Variants in FRMD4B observed in about 807,000 individuals in gnomAD.
The protein encoded by FRMD4B is FERM domain containing 4B, also known as FERM domain-containing protein 4B.
FRMD4B carries 74 observed loss-of-function variants against 141.5 expected under a neutral mutation model. The observed-to-expected ratio is 0.52, with a 90% CI of 0.43 to 0.63. FRMD4B has a LOEUF of 0.63. Among genes scored for constraint, FRMD4B ranks in the 30% least tolerant of loss-of-function variants. The pLI is 0.00. For synonymous variants in FRMD4B, 506 were observed against 467.9 expected (o/e 1.08, Z -1.05); for missense variants, 1,366 against 1,253.4 (o/e 1.09, Z -1.36).
At chr3:69,494,870 C>T (rs1307918447) in intron 1 of FRMD4B, among the ~76,000 whole-genome samples, 1 of 145,672 alleles carries the variant, frequency 6.9e-6, no homozygotes, top group Non-Finnish European at 1.5e-5. Flanking sequence ...CCAGCATGGG[C>T]AACAAGAGTG....
chr3:69,491,602 A>C (rs757947186), intron 1 of FRMD4B, among the ~76,000 whole-genome samples: 4 of 152,242 alleles, frequency 2.6e-5, no homozygotes, highest in Non-Finnish European at 4.4e-5. Context: ...AAAGAAGAAA[A>C]GAGACAGGGT....
At chr3:69,476,325 T>C (rs1055446850) in intron 1 of FRMD4B, among the ~76,000 whole-genome samples, 1 of 152,132 alleles carries the variant, frequency 6.6e-6, no homozygotes, top group Non-Finnish European at 1.5e-5. Context: ...TCTAGGGTTT[T>C]TATGGTTTTA....
chr3:69,227,383 ACC>A (rs1022050755), intron 7 of FRMD4B, among the ~76,000 whole-genome samples: 3 of 152,072 alleles, frequency 2.0e-5, no homozygotes, highest in African/African-American at 7.2e-5. Context: ...AGTATTCTTA[ACC>A]GGGTGCAGTG....
chr3:69,367,555 TTGTTTTTA>T (rs1444376292), intron 1 of FRMD4B, among the ~76,000 whole-genome samples: 2 of 146,922 alleles, frequency 1.4e-5, no homozygotes, highest in Non-Finnish European at 3.0e-5. Context: ...GCCAATATTT[TTGTTTTTA>T]CCCAAAAAAT....
chr3:69,461,825 C>A (rs1363831513), intron 1 of FRMD4B, among the ~76,000 whole-genome samples: 1 of 152,014 alleles, frequency 6.6e-6, no homozygotes. Flanking sequence ...CAGTTTTTAC[C>A]TGTTGTCTCT....
upstream of FRMD4B, among the ~76,000 whole-genome samples, chr3:69,387,082 T>A (rs1704275895): frequency 6.6e-6 from 1 of 152,124 alleles, no homozygotes; most frequent in Non-Finnish European, 1.5e-5. Flanking sequence ...ATGCTGATTG[T>A]TGGAAACATT....
intron 2 of FRMD4B, among the ~76,000 whole-genome samples, chr3:69,407,609 G>T (rs1420408414): frequency 6.6e-6 from 1 of 152,206 alleles, no homozygotes; most frequent in Non-Finnish European, 1.5e-5. Flanking sequence ...TTGTCTTTGT[G>T]ATTTTCTGAT....
intron 7 of FRMD4B, among the ~76,000 whole-genome samples, chr3:69,225,483 G>A (rs2093241865): frequency 7.1e-6 from 1 of 140,092 alleles, no homozygotes; most frequent in Non-Finnish European, 1.5e-5. Context: ...AGACCATCCT[G>A]GCTAACACGG....
chr3:69,502,292 C>G (rs1706511459), intron 1 of FRMD4B, among the ~76,000 whole-genome samples: 1 of 152,148 alleles, frequency 6.6e-6, no homozygotes, highest in Admixed American at 6.5e-5. Flanking sequence ...TACTACAAGG[C>G]TACAGTAACC....
intron 1 of FRMD4B, among the ~76,000 whole-genome samples, chr3:69,447,496 T>C (rs1047219490): frequency 6.6e-6 from 1 of 152,176 alleles, no homozygotes; most frequent in Non-Finnish European, 1.5e-5. Flanking sequence ...GTTAAACAGA[T>C]TTTGACAAAT....
chr3:69,252,797 G>A (rs535711037), intron 5 of FRMD4B, among the ~76,000 whole-genome samples: 2 of 152,194 alleles, frequency 1.3e-5, no homozygotes, highest in South Asian at 2.1e-4. Context: ...TATAGGTACC[G>A]GGCAAGCCAA....
At chr3:69,382,102 T>G (rs1704133047) in intron 1 of FRMD4B, among the ~76,000 whole-genome samples, 1 of 152,168 alleles carries the variant, frequency 6.6e-6, no homozygotes, top group Admixed American at 6.5e-5. Flanking sequence ...TGCAGTGGTG[T>G]GATCATGGCT....
chr3:69,275,866 C>T (rs1190708250), intron 5 of FRMD4B, among the ~76,000 whole-genome samples: 3 of 152,076 alleles, frequency 2.0e-5, no homozygotes, highest in East Asian at 3.8e-4. Context: ...AAAGCAAAAG[C>T]TTTTCCAATC....
chr3:69,343,413 G>T (rs560241544), intron 1 of FRMD4B, among the ~76,000 whole-genome samples: 1 of 152,130 alleles, frequency 6.6e-6, no homozygotes, highest in South Asian at 2.1e-4. Flanking sequence ...ATCAAAAACA[G>T]AACCTTTAAC....
intron 7 of FRMD4B, among the ~76,000 whole-genome samples, chr3:69,242,239 T>G (rs2093389864): frequency 2.0e-5 from 3 of 152,120 alleles, no homozygotes. Context: ...CTCTCTTCAC[T>G]ACAGCCTTCC....
chr3:69,475,275 A>ATACG (rs2106959106), intron 1 of FRMD4B, among the ~76,000 whole-genome samples: 1 of 152,032 alleles, frequency 6.6e-6, no homozygotes, highest in East Asian at 1.9e-4. Flanking sequence ...TTACATAGGT[A>ATACG]TACGTGTGCC....
chr3:69,298,469 G>T (rs777400521), intron 4 of FRMD4B, among the ~76,000 whole-genome samples: 2 of 152,172 alleles, frequency 1.3e-5, no homozygotes, highest in Non-Finnish European at 2.9e-5. Context: ...GCCAGAGTGA[G>T]TCTGTTTAAA....
intron 5 of FRMD4B, among the ~76,000 whole-genome samples, chr3:69,277,609 G>A (rs529399955): frequency 1.6e-5 from 2 of 124,678 alleles, no homozygotes; most frequent in South Asian, 2.8e-4. Flanking sequence ...TGCAACCTCC[G>A]CCTCCCAAGT....
intron 1 of FRMD4B, among the ~76,000 whole-genome samples, chr3:69,333,530 T>C (rs994200630): frequency 3.9e-5 from 6 of 152,216 alleles, no homozygotes; most frequent in Non-Finnish European, 7.3e-5. Context: ...TGACAGCCAA[T>C]TTGAATTCTG....
Sources: allele counts gnomAD v4.1 joint callset (sites outside exome capture counted in the v4.1 genomes callset), GRCh38; gene constraint gnomAD v4.1.1; transcripts MANE v1.5; gene names NCBI Gene and HGNC (gene_info 2026-07-23, HGNC 2026-07-21).